The following AGTPBP1 variants were observed in gnomAD, a reference collection of about 807,000 sequenced individuals.
The protein encoded by AGTPBP1 is ATP/GTP binding carboxypeptidase 1, also known as cytosolic carboxypeptidase 1.
In AGTPBP1, 70 loss-of-function variants were observed where a neutral mutation model predicts 143.9. The ratio of observed to expected loss-of-function variants is 0.49; its 90% confidence interval spans 0.40 to 0.59. The LOEUF (loss-of-function observed/expected upper bound fraction) is 0.59, where lower values mean the gene tolerates loss of function less well. Among genes scored for constraint, AGTPBP1 ranks in the 20% least tolerant of loss-of-function variants. The pLI is 0.00. For missense variants in AGTPBP1, 1,229 were observed against 1,464.5 expected (o/e 0.84, Z 2.62); for synonymous variants, 463 against 500.2 (o/e 0.93, Z 0.99).
intron 17 of AGTPBP1, among the ~76,000 whole-genome samples, chr9:85,612,621 C>G (rs188575594): frequency 6.6e-6 from 1 of 152,236 alleles, no homozygotes; most frequent in East Asian, 1.9e-4. Flanking sequence ...CTGTTTGTAA[C>G]CAAGTCAGAG....
chr9:85,787,572 A>T, the AGTPBP1 span, among the ~76,000 whole-genome samples: 1 of 152,194 alleles, frequency 6.6e-6, no homozygotes, highest in African/African-American at 2.4e-5. Flanking sequence ...TTCTGGTCAA[A>T]ATTTTACTAT....
intron 11 of AGTPBP1, among the ~76,000 whole-genome samples, chr9:85,648,314 A>C (rs912989708): frequency 6.6e-5 from 10 of 152,212 alleles, no homozygotes; most frequent in African/African-American, 2.4e-4. Flanking sequence ...TTGTAACAGC[A>C]GTTTAGTCGA....
At position 85,660,960 on chromosome 9, in the gene AGTPBP1, T is replaced by C. The variant is rs1278590848; in HGVS notation, c.676A>G (p.Thr226Ala). Residue 226 changes from threonine (T) to alanine (A), a missense_variant, in exon 9 of 26, where the codon ACT (threonine) becomes GCT (alanine). By Grantham distance (58) the Thr-to-Ala change is moderately conservative (BLOSUM62 0). This residue lies in a region of AGTPBP1 where 743 missense variants were observed against 812.2 expected (regional missense o/e 0.91). Coordinates refer to ENST00000357081, the MANE Select transcript of AGTPBP1 (RefSeq NM_001330701.2). ...NSSLIKVALD[T>A]LAALLKSKTN... ...CTTGATTTTAGCAATGCAGCAAGAG[T>C]GTCTAAAGCAACCCTGTCAACACAA... 8 of 1,595,586 alleles carry C rather than the reference T, an allele frequency of 5.0e-6. No homozygotes were observed. The highest frequency in any genetic ancestry group is 6.8e-6 in the Non-Finnish European group (8 of 1,172,768).
rs73649965 is a variant in AGTPBP1, at chr9:85,664,003, C to T, written c.663-3030G>A. Among the ~76,000 whole-genome samples, 386 of 152,174 alleles carry T rather than the reference C, an allele frequency of 2.5e-3. 2 individuals are homozygous for T. Among genetic ancestry groups the T allele is most frequent in the African/African-American group, 9.0e-3 (372 of 41,542 alleles). On this transcript the variant is annotated intron_variant, in intron 8 of 25. Coordinates refer to ENST00000357081, the MANE Select transcript of AGTPBP1 (RefSeq NM_001330701.2). ...AGGAATAAATTTTTGATATGTGCAA[C>T]ATAAGTGAATCTATAAATAATCATG...
At chr9:85,653,470 C>T (rs1587833700) in intron 11 of AGTPBP1, among the ~76,000 whole-genome samples, 1 of 152,110 alleles carries the variant, frequency 6.6e-6, no homozygotes. Context: ...CACTAGAGGT[C>T]GGCTTTCTCT....
intron 2 of AGTPBP1, among the ~76,000 whole-genome samples, chr9:85,705,774 T>G (rs971869533): frequency 2.6e-5 from 4 of 152,048 alleles, no homozygotes; most frequent in Non-Finnish European, 4.4e-5. Context: ...CACTGCAAGC[T>G]CCACCTTCCG....
intron 4 of AGTPBP1, among the ~76,000 whole-genome samples, chr9:85,680,550 C>T (rs1835103654): frequency 6.6e-6 from 1 of 151,494 alleles, no homozygotes; most frequent in South Asian, 2.1e-4. Context: ...CACCATTGCA[C>T]TCCAGCTTGG....
At position 85,592,717 on chromosome 9, in the gene AGTPBP1, C is replaced by T. The variant is rs376502152; in HGVS notation, c.2424-13G>A. 8.7e-6 allele frequency: 14 copies of T among 1,607,650 alleles called. No homozygotes were observed. Among genetic ancestry groups the T allele is most frequent in the East Asian group, 6.8e-5 (3 of 44,390 alleles). Reference sequence around the variant, plus strand: ...TGAGAAATGATTTCTGCAATAAAAACGCATAAAACATGTTCATTTCATCCA... The same window carrying T: ...TGAGAAATGATTTCTGCAATAAAAATGCATAAAACATGTTCATTTCATCCA... On this transcript the variant is annotated splice_polypyrimidine_tract_variant and intron_variant, in intron 18 of 25. Coordinates refer to ENST00000357081, the MANE Select transcript of AGTPBP1 (RefSeq NM_001330701.2).
chr9:85,708,860 C>G (rs1029505312), intron 2 of AGTPBP1, among the ~76,000 whole-genome samples: 3 of 151,728 alleles, frequency 2.0e-5, no homozygotes, highest in African/African-American at 7.3e-5. Flanking sequence ...TAAGAACTTG[C>G]CACAAAGAAA....
intron 17 of AGTPBP1, among the ~76,000 whole-genome samples, chr9:85,611,771 C>T (rs1830331725): frequency 6.6e-6 from 1 of 152,148 alleles, no homozygotes; most frequent in African/African-American, 2.4e-5. Flanking sequence ...ACCTCCACCT[C>T]CCGAGTTCAA....
intron 8 of AGTPBP1, among the ~76,000 whole-genome samples, chr9:85,668,984 T>C (rs1834305448): frequency 1.2e-5 from 1 of 85,806 alleles, no homozygotes; most frequent in South Asian, 3.3e-4. Flanking sequence ...TGTGTGTGTG[T>C]GTGTGTGTGT....
In AGTPBP1 at chr9:85,655,562, A is replaced by G. The variant is rs577085308; in HGVS notation, c.910-242T>C. ...CCTTAAATATTTTCACTAAGCAGAAATCAGTACCATCTTTGGAGTGACTTG... is the reference window on the plus strand; with the variant it reads ...CCTTAAATATTTTCACTAAGCAGAAGTCAGTACCATCTTTGGAGTGACTTG... On this transcript the variant is annotated intron_variant, in intron 10 of 25. Coordinates refer to ENST00000357081, the MANE Select transcript of AGTPBP1 (RefSeq NM_001330701.2). 1.2e-4 allele frequency among the ~76,000 whole-genome samples: 19 copies of G among 152,310 alleles called. No individual in the cohort carries two copies. In the South Asian group the frequency reaches 3.9e-3, roughly 32 times the overall value.
intron 1 of AGTPBP1, among the ~76,000 whole-genome samples, chr9:85,719,473 G>A (rs2134588483): frequency 6.6e-6 from 1 of 152,206 alleles, no homozygotes; most frequent in Non-Finnish European, 1.5e-5. Flanking sequence ...TCTGTAATTG[G>A]TGTATAGGAA....
At chr9:85,664,225 T>C (rs769392955) in intron 8 of AGTPBP1, among the ~76,000 whole-genome samples, 3 of 152,092 alleles carry the variant, frequency 2.0e-5, no homozygotes, top group Non-Finnish European at 4.4e-5. Flanking sequence ...GTGATAGAGA[T>C]GTTAGCTTGA....
the AGTPBP1 span, among the ~76,000 whole-genome samples, chr9:85,771,684 G>A: frequency 2.7e-5 from 4 of 146,284 alleles, no homozygotes; most frequent in East Asian, 2.0e-4. Flanking sequence ...ACAGAGTCTC[G>A]CTCTGTGGCC....
upstream of AGTPBP1, among the ~76,000 whole-genome samples, chr9:85,742,214 C>G (rs13286766): frequency 6.6e-6 from 1 of 152,056 alleles, no homozygotes; most frequent in African/African-American, 2.4e-5. Context: ...GTGTTCCGCG[C>G]GCTGCCGGTC....
the AGTPBP1 span, among the ~76,000 whole-genome samples, chr9:85,762,549 C>T: frequency 2.0e-5 from 3 of 147,720 alleles, no homozygotes. Context: ...CATGTTCTCA[C>T]TCATAGGTGC....
In AGTPBP1 at chr9:85,586,971, A is replaced by G. The variant is rs1828652291; in HGVS notation, c.2904-11T>C. ...AAAGAACAGCGATGACTACATGTAC[A>G]TAAACACAAAGACAGAAAAACACTG... On this transcript the variant is annotated splice_polypyrimidine_tract_variant and intron_variant, in intron 21 of 25. Transcript: ENST00000357081. 6.2e-7 allele frequency: 1 copy of G among 1,613,502 alleles called. No homozygotes were observed. Among genetic ancestry groups the G allele is most frequent in the Non-Finnish European group, 8.5e-7 (1 of 1,179,604 alleles).
At position 85,690,889 on chromosome 9, in the gene AGTPBP1, C is replaced by T. The variant is rs144540526; in HGVS notation, c.157+1800G>A. Among the ~76,000 whole-genome samples, 7 of 151,982 alleles carry T rather than the reference C, an allele frequency of 4.6e-5. No homozygotes were observed. In the East Asian group the frequency reaches 9.7e-4, roughly 21 times the overall value. On this transcript the variant is annotated intron_variant, in intron 3 of 25. Coordinates refer to ENST00000357081, the MANE Select transcript of AGTPBP1 (RefSeq NM_001330701.2). ...TGGGAAGAGGGTCATTCCCTGATAGCGGTATGGTTAGGAGTATTTTCAGTG... is the reference window on the plus strand; with the variant it reads ...TGGGAAGAGGGTCATTCCCTGATAGTGGTATGGTTAGGAGTATTTTCAGTG...
Sources: allele counts gnomAD v4.1 joint callset (sites outside exome capture counted in the v4.1 genomes callset), GRCh38; gene constraint gnomAD v4.1.1; regional missense constraint gnomAD v4.1.1; transcripts MANE v1.5; gene names NCBI Gene and HGNC (gene_info 2026-07-23, HGNC 2026-07-21).